The following JAZF1 variants were observed in gnomAD, a reference collection of about 807,000 sequenced individuals.
JAZF1 encodes the protein JAZF zinc finger 1.
Under a neutral mutation model 26.4 loss-of-function variants are expected in JAZF1, and 8 were observed. That is an observed-to-expected ratio of 0.30 (90% confidence interval 0.18 to 0.55). JAZF1 has a LOEUF of 0.55. Ranked by LOEUF, JAZF1 falls within the 20% of genes least tolerant of loss-of-function variation. The pLI is 0.94. For synonymous variants in JAZF1, 126 were observed against 122.3 expected (o/e 1.03, Z -0.20); for missense variants, 199 against 322.0 (o/e 0.62, Z 2.92).
At chr7:28,144,856 C>T (rs546724176) in intron 1 of JAZF1, among the ~76,000 whole-genome samples, 1 of 152,248 alleles carries the variant, frequency 6.6e-6, no homozygotes, top group Admixed American at 6.5e-5. Flanking sequence ...TGGAAAATGG[C>T]ACTTGGCTTC....
At position 27,831,084 on chromosome 7, in the gene JAZF1, T is replaced by A. The variant is rs1436263243; in HGVS notation, c.*1716A>T. ...CAACTAGTTGCGTCTCATGTCTGGA[T>A]CACCCTTTTAAACATAGGATAACAC... is the stretch of plus-strand genomic sequence containing the variant. On this transcript the variant is annotated 3_prime_UTR_variant, in exon 5 of 5. Coordinates refer to ENST00000283928, the MANE Select transcript of JAZF1 (RefSeq NM_175061.4). 3 of 223,150 alleles carry A rather than the reference T, an allele frequency of 1.3e-5. No homozygotes were observed. The highest frequency in any genetic ancestry group is 6.7e-5 in the African/African-American group (3 of 44,918). 13.8% of individuals were successfully genotyped at this position (223,150 alleles called of 1,614,324 possible).
intron 3 of JAZF1, chr7:27,843,910 A>G (rs1428001301): frequency 6.6e-6 from 1 of 152,262 alleles, no homozygotes. Flanking sequence ...AAGAAAATAA[A>G]CAAAATGCTA....
chr7:27,891,250 A>C (rs1035315287), intron 3 of JAZF1, among the ~76,000 whole-genome samples: 9 of 152,220 alleles, frequency 5.9e-5, no homozygotes, highest in Non-Finnish European at 1.0e-4. Context: ...TTTGTACATA[A>C]AGTTTTAGAA....
chr7:27,850,061 A>AT (rs1404031582), intron 3 of JAZF1, among the ~76,000 whole-genome samples: 1 of 152,150 alleles, frequency 6.6e-6, no homozygotes, highest in Non-Finnish European at 1.5e-5. Flanking sequence ...AATATGCCAC[A>AT]TTTTTCTTAT....
chr7:28,165,834 G>C (rs1783359588), intron 1 of JAZF1, among the ~76,000 whole-genome samples: 1 of 152,146 alleles, frequency 6.6e-6, no homozygotes, highest in African/African-American at 2.4e-5. Context: ...TTTGAAATTA[G>C]CTCATGTATT....
At chr7:28,085,428 TA>T (rs1182678138) in intron 1 of JAZF1, among the ~76,000 whole-genome samples, 9 of 152,230 alleles carry the variant, frequency 5.9e-5, no homozygotes, top group African/African-American at 2.2e-4. Context: ...TGTTTCTCTT[TA>T]AAGTACATAA....
chr7:28,006,980 C>T (rs1482923787), intron 1 of JAZF1, among the ~76,000 whole-genome samples: 1 of 152,036 alleles, frequency 6.6e-6, no homozygotes, highest in African/African-American at 2.4e-5. Flanking sequence ...TTGTATGACC[C>T]AACATCATCT....
At chr7:27,863,596 A>G (rs2391489) in intron 3 of JAZF1, among the ~76,000 whole-genome samples, 1 of 152,010 alleles carries the variant, frequency 6.6e-6, no homozygotes, top group East Asian at 1.9e-4. Flanking sequence ...TTCTTCCCCC[A>G]GCACTGGAAT....
At chr7:27,865,021 G>C (rs1272035839) in intron 3 of JAZF1, among the ~76,000 whole-genome samples, 1 of 152,132 alleles carries the variant, frequency 6.6e-6, no homozygotes, top group Non-Finnish European at 1.5e-5. Context: ...ATTTAATGGG[G>C]CATGACGAGC....
At chr7:28,153,313 T>C (rs1783136153) in intron 1 of JAZF1, among the ~76,000 whole-genome samples, 1 of 148,854 alleles carries the variant, frequency 6.7e-6, no homozygotes, top group African/African-American at 2.4e-5. Flanking sequence ...AGCATCACAC[T>C]TCCACTAAAA....
At chr7:27,993,829 A>G (rs1020716486) in intron 1 of JAZF1, among the ~76,000 whole-genome samples, 3 of 152,200 alleles carry the variant, frequency 2.0e-5, no homozygotes, top group Non-Finnish European at 4.4e-5. Flanking sequence ...ACTCAAAGAG[A>G]TATCTGGTGC....
intron 1 of JAZF1, among the ~76,000 whole-genome samples, chr7:28,000,911 G>A (rs990526572): frequency 7.9e-5 from 12 of 151,976 alleles, no homozygotes; most frequent in South Asian, 2.1e-4. Flanking sequence ...GAGCCACAGC[G>A]CCTAGCCAGT....
rs555832845 is a variant in JAZF1 at position 27,914,398 on chromosome 7, C to T, written c.189-18982G>A. Among the ~76,000 whole-genome samples, 29 of 152,194 alleles carry T rather than the reference C, an allele frequency of 1.9e-4. No individual in the cohort carries two copies. The South Asian group carries it at 6.0e-3, about 32-fold the overall frequency. On this transcript the variant is annotated intron_variant, in intron 2 of 4. Coordinates refer to ENST00000283928, the MANE Select transcript of JAZF1 (RefSeq NM_175061.4). ...AGTATGTTATGCACAGCGTGAGGCCCGAAGCAGAAGACCACTGTGTATGGT... is the reference window on the plus strand; with the variant it reads ...AGTATGTTATGCACAGCGTGAGGCCTGAAGCAGAAGACCACTGTGTATGGT...
intron 1 of JAZF1, among the ~76,000 whole-genome samples, chr7:28,038,339 ATTTTTCAGGGT>A (rs1387771874): frequency 6.6e-6 from 1 of 152,178 alleles, no homozygotes; most frequent in African/African-American, 2.4e-5. Context: ...ATATAAGCTC[ATTTTTCAGGGT>A]TTTATGATTC....
chr7:28,143,241 G>A (rs1562601670), intron 1 of JAZF1, among the ~76,000 whole-genome samples: 1 of 152,120 alleles, frequency 6.6e-6, no homozygotes, highest in Admixed American at 6.6e-5. Context: ...CCCTGCTCAG[G>A]AAGCCCTTCC....
intron 2 of JAZF1, among the ~76,000 whole-genome samples, chr7:27,905,927 TATC>T (rs1468010135): frequency 2.6e-5 from 4 of 152,212 alleles, no homozygotes; most frequent in African/African-American, 7.2e-5. Context: ...AATTTCATGT[TATC>T]ATTACTTTAT....
At chr7:27,889,393 G>A (rs1011495537) in intron 3 of JAZF1, among the ~76,000 whole-genome samples, 1 of 152,126 alleles carries the variant, frequency 6.6e-6, no homozygotes, top group South Asian at 2.1e-4. Context: ...AAGCAAAAAG[G>A]CCTTTGCTAT....
intron 1 of JAZF1, among the ~76,000 whole-genome samples, chr7:28,163,402 G>A (rs1783321690): frequency 6.6e-6 from 1 of 152,126 alleles, no homozygotes; most frequent in African/African-American, 2.4e-5. Context: ...GGAAGAGAAG[G>A]GGCACAGGAA....
intron 2 of JAZF1, among the ~76,000 whole-genome samples, chr7:27,969,123 A>G (rs1255216647): frequency 6.6e-6 from 1 of 152,190 alleles, no homozygotes; most frequent in African/African-American, 2.4e-5. Context: ...CCAAGGTGAT[A>G]CTGTGATTTC....
Sources: allele counts gnomAD v4.1 joint callset (sites outside exome capture counted in the v4.1 genomes callset), GRCh38; gene constraint gnomAD v4.1.1; transcripts MANE v1.5; gene names NCBI Gene and HGNC (gene_info 2026-07-23, HGNC 2026-07-21).